The following IL1RAPL1 variants were observed in gnomAD, a reference collection of about 807,000 sequenced individuals.
IL1RAPL1 encodes the protein interleukin 1 receptor accessory protein like 1, also known as interleukin-1 receptor accessory protein-like 1.
IL1RAPL1 carries 3 observed loss-of-function variants against 48.4 expected under a neutral mutation model. The ratio of observed to expected loss-of-function variants is 0.06; its 90% confidence interval spans 0.03 to 0.16. IL1RAPL1 has a LOEUF of 0.16. Ranked by LOEUF, IL1RAPL1 falls within the 10% of genes least tolerant of loss-of-function variation. IL1RAPL1 has a pLI of 1.00. For missense variants in IL1RAPL1, 349 were observed against 530.6 expected (o/e 0.66, Z 3.36); for synonymous variants, 185 against 187.7 (o/e 0.99, Z 0.12).
At chrX:29,075,528 T>C (rs1034805528) in intron 2 of IL1RAPL1, among the ~76,000 whole-genome samples, 53 of 111,904 alleles carry the variant, frequency 4.7e-4, no homozygotes, top group African/African-American at 1.7e-3. Context: ...TAAACTAAAC[T>C]GAAGATTTTG....
chrX:28,625,922 T>A (rs1934336843), intron 1 of IL1RAPL1, among the ~76,000 whole-genome samples: 1 of 112,373 alleles, frequency 8.9e-6, no homozygotes, highest in African/African-American at 3.2e-5. Flanking sequence ...ATTGGGATTA[T>A]TTTCTTAGCT....
intron 2 of IL1RAPL1, among the ~76,000 whole-genome samples, chrX:28,794,319 C>T (rs1936586429): frequency 9.0e-6 from 1 of 111,074 alleles, no homozygotes; most frequent in South Asian, 3.8e-4. Flanking sequence ...AATTCTACTA[C>T]GTTTAGTGCC....
At chrX:28,971,914 G>GTGTGTA (rs1925086118) in intron 2 of IL1RAPL1, among the ~76,000 whole-genome samples, 1 of 108,771 alleles carries the variant, frequency 9.2e-6, no homozygotes, top group Admixed American at 9.9e-5. Flanking sequence ...GTGTGTGTGT[G>GTGTGTA]TGTATTTCTG....
At chrX:29,797,422 TAA>T (rs1377135735) in intron 6 of IL1RAPL1, among the ~76,000 whole-genome samples, 1 of 112,192 alleles carries the variant, frequency 8.9e-6, no homozygotes, top group African/African-American at 3.2e-5. Flanking sequence ...ACTCTGAATG[TAA>T]AGAGTCACCA....
intron 1 of IL1RAPL1, among the ~76,000 whole-genome samples, chrX:28,771,217 C>T (rs973543174): frequency 9.0e-6 from 1 of 111,636 alleles, no homozygotes; most frequent in African/African-American, 3.3e-5. Context: ...TGTCATACCC[C>T]ACCTGGAAAC....
chrX:29,149,028 A>G (rs1488024933), intron 2 of IL1RAPL1, among the ~76,000 whole-genome samples: 1 of 110,639 alleles, frequency 9.0e-6, no homozygotes, highest in Non-Finnish European at 1.9e-5. Flanking sequence ...TTACTTAGGG[A>G]CAACACAAAT....
chrX:28,747,984 T>A (rs922312677), intron 1 of IL1RAPL1, among the ~76,000 whole-genome samples: 1 of 112,296 alleles, frequency 8.9e-6, no homozygotes, highest in Non-Finnish European at 1.9e-5. Context: ...TCTCTTTACA[T>A]ATCTTCTAAT....
intron 2 of IL1RAPL1, among the ~76,000 whole-genome samples, chrX:28,948,156 A>G (rs1347897771): frequency 3.6e-5 from 4 of 111,331 alleles, no homozygotes; most frequent in Admixed American, 1.9e-4. Flanking sequence ...AGAATTCATA[A>G]TGCCTTCTTC....
chrX:29,076,942 A>C (rs1200493123), intron 2 of IL1RAPL1, among the ~76,000 whole-genome samples: 2 of 112,158 alleles, frequency 1.8e-5, no homozygotes, highest in East Asian at 5.6e-4. Context: ...TTCATGGATG[A>C]GATGATCCTA....
At chrX:29,126,177 T>C (rs1457411199) in intron 2 of IL1RAPL1, among the ~76,000 whole-genome samples, 1 of 111,640 alleles carries the variant, frequency 9.0e-6, no homozygotes, top group Non-Finnish European at 1.9e-5. Flanking sequence ...AACAGAATAA[T>C]TTCAAATTCA....
intron 6 of IL1RAPL1, among the ~76,000 whole-genome samples, chrX:29,687,911 T>C (rs894328522): frequency 9.0e-6 from 1 of 111,593 alleles, no homozygotes; most frequent in African/African-American, 3.3e-5. Flanking sequence ...TTCTGGGTGA[T>C]CTCATCAGAA....
intron 8 of IL1RAPL1, among the ~76,000 whole-genome samples, chrX:29,924,034 G>A (rs977741410): frequency 6.3e-5 from 7 of 111,749 alleles, no homozygotes; most frequent in African/African-American, 2.3e-4. Flanking sequence ...TGTGCTATCT[G>A]GGGCAAATTA....
At chrX:28,830,355 G>A (rs943504652) in intron 2 of IL1RAPL1, among the ~76,000 whole-genome samples, 1 of 111,757 alleles carries the variant, frequency 8.9e-6, no homozygotes, top group African/African-American at 3.3e-5. Flanking sequence ...TTGTTCTTCA[G>A]ACTGAATAAG....
intron 2 of IL1RAPL1, among the ~76,000 whole-genome samples, chrX:29,077,216 G>A: frequency 8.9e-6 from 1 of 112,310 alleles, no homozygotes; most frequent in Middle Eastern, 4.6e-3. Flanking sequence ...TATTCTATTG[G>A]GGAGTACACA....
intron 2 of IL1RAPL1, among the ~76,000 whole-genome samples, chrX:29,049,577 A>G (rs1396258176): frequency 7.2e-5 from 8 of 111,113 alleles, no homozygotes; most frequent in Admixed American, 9.6e-5. Context: ...AAACTGCCCA[A>G]TCTTACCCAT....
At chrX:29,588,562 T>C (rs140276384) in intron 5 of IL1RAPL1, among the ~76,000 whole-genome samples, 1,180 of 112,295 alleles carry the variant, frequency 0.011, 5 homozygotes, top group Non-Finnish European at 0.017. Context: ...AGAGGAAATA[T>C]AATTTCGGAA....
chrX:29,690,652 T>A (rs1489491750), intron 6 of IL1RAPL1, among the ~76,000 whole-genome samples: 1 of 112,341 alleles, frequency 8.9e-6, no homozygotes, highest in African/African-American at 3.2e-5. Context: ...AGTATTTCTA[T>A]GAGTTTTACT....
chrX:29,917,440 C>G (rs781329082), intron 6 of IL1RAPL1, 24 bp from the exon 7 acceptor site: 1 of 1,204,107 alleles, frequency 8.3e-7, no homozygotes, highest in South Asian at 1.8e-5. Flanking sequence ...TTTTATAACA[C>G]TTTTCCATCA....
At chrX:29,604,589 C>T (rs755776354) in intron 5 of IL1RAPL1, among the ~76,000 whole-genome samples, 127 of 110,905 alleles carry the variant, frequency 1.1e-3, no homozygotes, top group Non-Finnish European at 1.5e-3. Context: ...CAGACGTGAG[C>T]CACCGTACCC....
Sources: gnomAD v4.1 joint callset for allele counts (sites outside exome capture counted in the v4.1 genomes callset) on GRCh38, gnomAD v4.1.1 for gene constraint, MANE v1.5 for transcripts, NCBI Gene and HGNC (gene_info 2026-07-23, HGNC 2026-07-21) for gene names.